TAF8: variants seen among roughly 807,000 people sequenced by gnomAD.
TAF8 encodes the protein transcription initiation factor TFIID subunit 8.
A neutral mutation model predicts 36.5 loss-of-function variants in TAF8; 47 were observed. That is an observed-to-expected ratio of 1.29 (90% confidence interval 1.02 to 1.64). The LOEUF is 1.64. Ranked by LOEUF, TAF8 falls within the 40% of genes most tolerant of loss-of-function variation. The pLI is 0.00. For missense variants in TAF8, 420 were observed against 407.6 expected (o/e 1.03, Z -0.26); for synonymous variants, 175 against 159.5 (o/e 1.10, Z -0.73).
In TAF8 at chr6:42,057,490, C is replaced by A; in HGVS notation, c.466C>A (p.Pro156Thr). Residue 156 changes from proline to threonine, a missense_variant, in exon 5 of 9, where the codon CCC (proline) becomes ACC (threonine). By Grantham distance (38) the Pro-to-Thr change is conservative (BLOSUM62 -1). Transcript: ENST00000372977. The part of the protein sequence containing the change: ...IPSHFPEFPD[P>T]HTYIKTPTYR... ...CAGCCATTTTCCTGAGTTCCCTGAT[C>A]CCCACACCTACATCAAAACTCCGGT... 1 of 1,614,122 alleles carries A rather than the reference C, an allele frequency of 6.2e-7. No individual in the cohort carries two copies.
In TAF8 at chr6:42,077,094, T is replaced by C; in HGVS notation, c.781-6T>C. Reference sequence around the variant, plus strand: ...TGTTGTGCTTTATTTTGGCTTTTGCTCAAAGGAGGATTCTGGAGCCGAGAA... The same window carrying C: ...TGTTGTGCTTTATTTTGGCTTTTGCCCAAAGGAGGATTCTGGAGCCGAGAA... On this transcript the variant is annotated splice_polypyrimidine_tract_variant and splice_region_variant and intron_variant, in intron 7 of 8. Transcript: ENST00000372977. 2 of 1,609,272 alleles carry C rather than the reference T, an allele frequency of 1.2e-6. No individual in the cohort carries two copies. The highest frequency in any genetic ancestry group is 1.7e-6 in the Non-Finnish European group (2 of 1,176,998).
intron 4 of TAF8, among the ~76,000 whole-genome samples, chr6:42,057,141 G>A (rs1210094060): frequency 6.6e-6 from 1 of 152,184 alleles, no homozygotes; most frequent in Non-Finnish European, 1.5e-5. Flanking sequence ...TGTGGCCACA[G>A]CCACCCACCT....
chr6:42,050,905 C>T (rs1764750979), intron 1 of TAF8: 1 of 1,180,762 alleles, frequency 8.5e-7, no homozygotes, highest in African/African-American at 1.6e-5. Context: ...AAATATTTAG[C>T]TTTCTTACTT....
In TAF8 at chr6:42,080,799, T is replaced by G; in HGVS notation, c.*3254T>G. On this transcript the variant is annotated 3_prime_UTR_variant, in exon 9 of 9. Transcript: ENST00000372977. Reference sequence around the variant, plus strand: ...ATGTGTATTTATAAATTTCTATTTTTTATAACTTTATGGGACTTCTTAGAG... The same window carrying G: ...ATGTGTATTTATAAATTTCTATTTTGTATAACTTTATGGGACTTCTTAGAG... The G allele has an allele frequency of 1.0e-6, 1 of 980,166 alleles. No homozygotes were observed. Among genetic ancestry groups the G allele is most frequent in the African/African-American group, 1.7e-5 (1 of 57,258 alleles). The allele number at this position is 980,166 out of a possible 1,614,324, so 60.7% of individuals were successfully genotyped here.
chr6:42,059,777 G>A (rs1037382455), intron 5 of TAF8, among the ~76,000 whole-genome samples: 1 of 152,188 alleles, frequency 6.6e-6, no homozygotes, highest in African/African-American at 2.4e-5. Flanking sequence ...GAGGTTAGAA[G>A]CAAGATGGAG....
intron 7 of TAF8, among the ~76,000 whole-genome samples, chr6:42,076,324 C>G (rs1765746668): frequency 2.0e-5 from 3 of 152,036 alleles, no homozygotes. Context: ...ATGGCACATG[C>G]CTGAAATCCC....
intron 5 of TAF8, among the ~76,000 whole-genome samples, chr6:42,064,139 A>G (rs935091640): frequency 1.3e-5 from 2 of 152,098 alleles, no homozygotes; most frequent in East Asian, 1.9e-4. Context: ...TTAAATTTCT[A>G]ATTTATTGAG....
In TAF8 at chr6:42,051,526, A is replaced by G; in HGVS notation, c.202+13A>G. On this transcript the variant is annotated intron_variant, in intron 2 of 8. Transcript: ENST00000372977. ...ATGCTGCAGAGCTGTGAGTACATGG[A>G]AACACTTGGCCTTGGAGTCAACCCC... 6.2e-7 allele frequency: 1 copy of G among 1,612,754 alleles called. No homozygotes were observed. The highest frequency in any genetic ancestry group is 8.5e-7 in the Non-Finnish European group (1 of 1,179,216).
intron 5 of TAF8, among the ~76,000 whole-genome samples, chr6:42,058,898 C>T (rs764562127): frequency 7.9e-5 from 12 of 152,190 alleles, no homozygotes; most frequent in Admixed American, 7.9e-4. Context: ...CTCATAGATG[C>T]ATCACTCCAG....
rs1765882670 is a variant in TAF8 at position 42,080,277 on chromosome 6, T to TTGAATGCAGA, written c.*2735_*2744dup. The TTGAATGCAGA allele has an allele frequency of 1.0e-6, 1 of 986,176 alleles. No homozygotes were observed. The highest frequency in any genetic ancestry group is 6.1e-5 in the Admixed American group (1 of 16,264). The allele number at this position is 986,176 out of a possible 1,614,324, so 61.1% of individuals were successfully genotyped here. A position where few individuals can be genotyped will look rare whatever the true frequency, so the allele number is the denominator to read the frequency against. ...TGTTGTTATCCAGTGTAAGCACCTG[T>TTGAATGCAGA]TGAATGCAGATGTGCTGAGTTAGAG... On this transcript the variant is annotated 3_prime_UTR_variant, in exon 9 of 9. Transcript: ENST00000372977.
At position 42,055,576 on chromosome 6, in the gene TAF8, C is replaced by G. The variant is rs1246371188; in HGVS notation, c.248C>G (p.Thr83Arg). ...GRSAKSYCEH[T>R]ARTQPTLSDI... is the part of the protein sequence containing the mutation. Reference sequence around the variant, plus strand: ...AGTGCCAAGTCTTACTGTGAGCACACAGCCAGGACCCAGCCCACACTGTCC... The same window carrying G: ...AGTGCCAAGTCTTACTGTGAGCACAGAGCCAGGACCCAGCCCACACTGTCC... Residue 83 changes from threonine (T) to arginine (R), a missense_variant, in exon 3 of 9, where the codon ACA becomes AGA. Thr to Arg is a moderately conservative substitution (Grantham distance 71). Transcript: ENST00000372977. 1 of 1,614,220 alleles carries G rather than the reference C, an allele frequency of 6.2e-7. No individual in the cohort carries two copies.
chr6:42,070,743 C>T (rs1000975386), intron 7 of TAF8, among the ~76,000 whole-genome samples: 3 of 151,894 alleles, frequency 2.0e-5, no homozygotes, highest in African/African-American at 4.8e-5. Context: ...AAAGAAATAA[C>T]GTGTTTGTAT....
Position 42,083,269 on chromosome 6 carries a change from C to T in TAF8, c.*5724C>T, listed in dbSNP as rs953406339. On this transcript the variant is annotated 3_prime_UTR_variant, in exon 9 of 9. Coordinates refer to ENST00000372977, the MANE Select transcript of TAF8 (RefSeq NM_138572.3). Reference sequence around the variant, plus strand: ...TCAGTAATAAAGAGCTTCTCTGTTTCGTGGCTGCATGGTTGTTGTATAGTT... The same window carrying T: ...TCAGTAATAAAGAGCTTCTCTGTTTTGTGGCTGCATGGTTGTTGTATAGTT... The T allele has an allele frequency of 6.6e-6, 1 of 152,222 alleles. No homozygotes were observed. Among genetic ancestry groups the T allele is most frequent in the South Asian group, 2.1e-4 (1 of 4,832 alleles). The allele number at this position is 152,222 out of a possible 1,614,324, so 9.4% of individuals were successfully genotyped here. A position where few individuals can be genotyped will look rare whatever the true frequency, so the allele number is the denominator to read the frequency against.
rs1264205241 is a variant in TAF8 at position 42,081,209 on chromosome 6, G to A, written c.*3664G>A. ...TGTGTGTGCGTGTGTGTGCGTGTGA[G>A]ACAGAGTTTCGCGCTGGAGTGCAAT... On this transcript the variant is annotated 3_prime_UTR_variant, in exon 9 of 9. Transcript: ENST00000372977. 1 of 154,326 alleles carries A rather than the reference G, an allele frequency of 6.5e-6. No homozygotes were observed. Among genetic ancestry groups the A allele is most frequent in the Non-Finnish European group, 1.4e-5 (1 of 70,212 alleles). 9.6% of individuals were successfully genotyped at this position (154,326 alleles called of 1,614,324 possible).
intron 7 of TAF8, 40 bp from the exon 8 acceptor site, chr6:42,077,060 T>C: frequency 6.3e-7 from 1 of 1,586,612 alleles, no homozygotes; most frequent in Non-Finnish European, 8.6e-7. Context: ...TCTTTCCTTA[T>C]GCTGTTGATG....
chr6:42,065,736 C>T (rs1765338488), intron 5 of TAF8, among the ~76,000 whole-genome samples: 1 of 152,160 alleles, frequency 6.6e-6, no homozygotes, highest in South Asian at 2.1e-4. Flanking sequence ...GTCATGGGAG[C>T]TGAATGAAGG....
rs1361891076 is a variant in TAF8, at chr6:42,080,199, C to T, written c.*2654C>T. ...AGCCGTGGCCAATCCCAGCTGTTCT[C>T]ACTGCTCTTGGGAGGTGTTGTCCCA... On this transcript the variant is annotated 3_prime_UTR_variant, in exon 9 of 9. Coordinates refer to ENST00000372977, the MANE Select transcript of TAF8 (RefSeq NM_138572.3). 2 of 985,348 alleles carry T rather than the reference C, an allele frequency of 2.0e-6. No individual in the cohort carries two copies. The highest frequency in any genetic ancestry group is 3.5e-5 in the African/African-American group (2 of 57,202). 61.0% of individuals were successfully genotyped at this position (985,348 alleles called of 1,614,324 possible). A position where few individuals can be genotyped will look rare whatever the true frequency, so the allele number is the denominator to read the frequency against.
chr6:42,064,922 A>G (rs1765308863), intron 5 of TAF8, among the ~76,000 whole-genome samples: 2 of 128,196 alleles, frequency 1.6e-5, no homozygotes, highest in Non-Finnish European at 3.2e-5. Flanking sequence ...CCGCCACTGC[A>G]CTCCAGCCTG....
At chr6:42,059,201 G>A (rs531632405) in intron 5 of TAF8, among the ~76,000 whole-genome samples, 1 of 152,072 alleles carries the variant, frequency 6.6e-6, no homozygotes, top group African/African-American at 2.4e-5. Flanking sequence ...GGCCAACATG[G>A]TGAAACCCCG....
Sources: gnomAD v4.1 joint callset for allele counts (sites outside exome capture counted in the v4.1 genomes callset) on GRCh38, gnomAD v4.1.1 for gene constraint, MANE v1.5 for transcripts, NCBI Gene and HGNC (gene_info 2026-07-23, HGNC 2026-07-21) for gene names.